Variants in DLG2 observed in about 807,000 individuals in gnomAD.
DLG2 encodes the protein discs large MAGUK scaffold protein 2.
DLG2 carries 45 observed loss-of-function variants against 132.5 expected under a neutral mutation model. That is an observed-to-expected ratio of 0.34 (90% confidence interval 0.27 to 0.44). The LOEUF (loss-of-function observed/expected upper bound fraction) is 0.44, where lower values mean the gene tolerates loss of function less well. Ranked by LOEUF, DLG2 falls within the 20% of genes least tolerant of loss-of-function variation. The probability of loss-of-function intolerance (pLI) is 1.00; values close to 1 mark genes in which losing one functional copy is unlikely to be tolerated. For missense variants in DLG2, 1,045 were observed against 1,196.9 expected (o/e 0.87, Z 1.87); for synonymous variants, 424 against 419.6 (o/e 1.01, Z -0.13).
At chr11:85,534,531 G>T (rs1284393846) in intron 3 of DLG2, among the ~76,000 whole-genome samples, 2 of 152,038 alleles carry the variant, frequency 1.3e-5, no homozygotes, top group South Asian at 2.1e-4. Flanking sequence ...AGTGTCTATT[G>T]TTCCCATCTT....
intron 6 of DLG2, among the ~76,000 whole-genome samples, chr11:84,587,267 T>C (rs2099532012): frequency 6.6e-6 from 1 of 152,204 alleles, no homozygotes; most frequent in South Asian, 2.1e-4. Context: ...AGAAAGGATC[T>C]GAGTCTTTTT....
chr11:84,308,130 T>G (rs942953921), intron 7 of DLG2, among the ~76,000 whole-genome samples: 1 of 152,138 alleles, frequency 6.6e-6, no homozygotes, highest in Non-Finnish European at 1.5e-5. Context: ...TTCTCTTATC[T>G]GGCCCCACCC....
intron 2 of DLG2, among the ~76,000 whole-genome samples, chr11:85,600,276 C>T (rs2080061523): frequency 6.6e-6 from 1 of 152,198 alleles, no homozygotes; most frequent in Non-Finnish European, 1.5e-5. Context: ...TTATCAATTG[C>T]TTTCTTTTCC....
chr11:85,091,521 C>T (rs4944509), intron 6 of DLG2, among the ~76,000 whole-genome samples: 56,285 of 151,986 alleles, frequency 0.37, 10,686 homozygotes, highest in South Asian at 0.56. Flanking sequence ...TAGCACATGA[C>T]GCTGTTTGAT....
chr11:85,055,392 A>T (rs535708046), intron 6 of DLG2, among the ~76,000 whole-genome samples: 1 of 152,290 alleles, frequency 6.6e-6, no homozygotes, highest in South Asian at 2.1e-4. Context: ...GTCAGCCAGG[A>T]CTTATGGGTC....
intron 7 of DLG2, among the ~76,000 whole-genome samples, chr11:84,332,204 CTT>C (rs35166465): frequency 2.9e-5 from 4 of 137,206 alleles, no homozygotes; most frequent in Admixed American, 1.5e-4. Context: ...TTTGCTTGTC[CTT>C]TTTTTTTTTT....
intron 6 of DLG2, among the ~76,000 whole-genome samples, chr11:84,575,642 G>C (rs1270598297): frequency 6.6e-6 from 1 of 152,028 alleles, no homozygotes; most frequent in Non-Finnish European, 1.5e-5. Flanking sequence ...ATAGTAAGTG[G>C]GGTATCTAAC....
At chr11:84,477,785 G>C (rs945264052) in intron 7 of DLG2, among the ~76,000 whole-genome samples, 2 of 152,128 alleles carry the variant, frequency 1.3e-5, no homozygotes, top group Admixed American at 1.3e-4. Context: ...AGACATACGA[G>C]AATCAGAGGA....
In DLG2 at chr11:84,035,839, G is replaced by A. The variant is rs550926218; in HGVS notation, c.919+23476C>T. Among the ~76,000 whole-genome samples, 7 of 152,298 alleles carry A rather than the reference G, an allele frequency of 4.6e-5. No homozygotes were observed. In the South Asian group the frequency reaches 1.0e-3, roughly 23 times the overall value. On this transcript the variant is annotated intron_variant, in intron 11 of 27. Coordinates refer to ENST00000376104, the MANE Select transcript of DLG2 (RefSeq NM_001142699.3). ...GTTACAGCAGCAAAGCAGAGTTGGT[G>A]AGGATAGACTAACAGGATTTGCAAA...
At chr11:83,787,121 TA>T (rs2040143401) in intron 17 of DLG2, among the ~76,000 whole-genome samples, 1 of 151,980 alleles carries the variant, frequency 6.6e-6, no homozygotes, top group Non-Finnish European at 1.5e-5. Context: ...CCTTCAAAAT[TA>T]GAGGGAAAAC....
chr11:83,826,865 A>C (rs746801600), intron 17 of DLG2, among the ~76,000 whole-genome samples: 28 of 152,290 alleles, frequency 1.8e-4, no homozygotes, highest in Non-Finnish European at 3.5e-4. Flanking sequence ...TTCTGATTTA[A>C]GCTGTTTCAC....
At chr11:83,862,903 G>A (rs1210536124) in intron 16 of DLG2, among the ~76,000 whole-genome samples, 1 of 152,118 alleles carries the variant, frequency 6.6e-6, no homozygotes, top group East Asian at 1.9e-4. Flanking sequence ...CTGTGCTTGG[G>A]AGACTGCCCA....
At position 84,804,636 on chromosome 11, in the gene DLG2, G is replaced by A. The variant is rs561499468; in HGVS notation, c.358-269905C>T. ...CCAAAACTCAGAAACATCAACAGAG[G>A]CACACAAGAACAGCCCTAACTAAAG... On this transcript the variant is annotated intron_variant, in intron 6 of 27. Transcript: ENST00000376104. 3.3e-5 allele frequency among the ~76,000 whole-genome samples: 5 copies of A among 152,248 alleles called. No individual in the cohort carries two copies. The South Asian group carries it at 1.0e-3, about 32-fold the overall frequency.
intron 7 of DLG2, among the ~76,000 whole-genome samples, chr11:84,374,650 G>C (rs959419104): frequency 6.6e-6 from 1 of 152,058 alleles, no homozygotes; most frequent in Non-Finnish European, 1.5e-5. Flanking sequence ...ACTACCACTA[G>C]CTTGATTCAT....
intron 9 of DLG2, among the ~76,000 whole-genome samples, chr11:84,117,099 A>G (rs2093669914): frequency 6.6e-6 from 1 of 152,122 alleles, no homozygotes; most frequent in South Asian, 2.1e-4. Context: ...ATTAATTGTC[A>G]TTTGCTCCAA....
chr11:84,238,507 G>A, intron 8 of DLG2, among the ~76,000 whole-genome samples: 1 of 150,868 alleles, frequency 6.6e-6, no homozygotes, highest in African/African-American at 2.4e-5. Flanking sequence ...GCAACAGAGT[G>A]AGACCCTGTC....
At position 84,013,703 on chromosome 11, in the gene DLG2, C is replaced by T. The variant is rs193063680; in HGVS notation, c.920-33061G>A. ...CCAATGTGGTGAAACCCCATCTCTA[C>T]TAAAAATACAAAAATCAGCTGGGTA... On this transcript the variant is annotated intron_variant, in intron 11 of 27. Coordinates refer to ENST00000376104, the MANE Select transcript of DLG2 (RefSeq NM_001142699.3). Among the ~76,000 whole-genome samples the T allele has an allele frequency of 8.6e-5, 13 of 151,762 alleles. No individual in the cohort carries two copies. The East Asian group carries it at 2.3e-3, about 27-fold the overall frequency.
intron 21 of DLG2, among the ~76,000 whole-genome samples, chr11:83,506,898 G>C (rs1450796101): frequency 6.6e-6 from 1 of 152,142 alleles, no homozygotes; most frequent in Non-Finnish European, 1.5e-5. Flanking sequence ...ATAAGAGTTT[G>C]TGCCTGTTTT....
chr11:85,570,141 A>G lies in DLG2; in HGVS notation c.40+28516T>C, dbSNP rs578257519. Among the ~76,000 whole-genome samples the G allele has an allele frequency of 2.6e-5, 4 of 152,300 alleles. No homozygotes were observed. In the South Asian group the frequency reaches 6.2e-4, roughly 24 times the overall value. On this transcript the variant is annotated intron_variant, in intron 3 of 27. Transcript: ENST00000376104. ...TAAAAGTTAAAATGTTTTTTAAAAAAACAAATTTTGAAAAACTTGCATCAC... is the reference window on the plus strand; with the variant it reads ...TAAAAGTTAAAATGTTTTTTAAAAAGACAAATTTTGAAAAACTTGCATCAC...
Sources: allele counts gnomAD v4.1 joint callset (sites outside exome capture counted in the v4.1 genomes callset), GRCh38; gene constraint gnomAD v4.1.1; transcripts MANE v1.5; gene names NCBI Gene and HGNC (gene_info 2026-07-23, HGNC 2026-07-21).